The following ATG10 variants were observed in gnomAD, a reference collection of about 807,000 sequenced individuals.
The protein encoded by ATG10 is autophagy related 10.
In ATG10, 30 loss-of-function variants were observed where a neutral mutation model predicts 32.1. That is an observed-to-expected ratio of 0.94 (90% CI 0.70 to 1.27). The LOEUF (loss-of-function observed/expected upper bound fraction) is 1.27. Ranked by LOEUF, ATG10 falls within the 50% of genes most tolerant of loss-of-function variation. The pLI is 0.00. For missense variants in ATG10, 233 were observed against 262.3 expected (o/e 0.89, Z 0.77); for synonymous variants, 87 against 91.5 (o/e 0.95, Z 0.28).
chr5:82,153,458 G>A (rs1406248871), intron 3 of ATG10, among the ~76,000 whole-genome samples: 1 of 152,084 alleles, frequency 6.6e-6, no homozygotes, highest in Admixed American at 6.5e-5. Context: ...AGAGTTTATC[G>A]GGAAGAAGCT....
intron 2 of ATG10, among the ~76,000 whole-genome samples, chr5:82,029,391 T>TA (rs1762683303): frequency 6.6e-6 from 1 of 152,226 alleles, no homozygotes; most frequent in African/African-American, 2.4e-5. Context: ...CAGTTTACCC[T>TA]ATTATTCAAA....
intron 1 of ATG10, chr5:81,976,085 C>G (rs1403416521): frequency 6.6e-6 from 1 of 150,944 alleles, no homozygotes; most frequent in Non-Finnish European, 1.5e-5. Context: ...ACTGCAGGCT[C>G]CGGCCCCCGA....
chr5:82,031,254 A>C (rs1762734382), intron 2 of ATG10, among the ~76,000 whole-genome samples: 1 of 152,188 alleles, frequency 6.6e-6, no homozygotes. Context: ...AGACTATTTT[A>C]GATATTCGAA....
At chr5:81,972,389 G>GAGGA (rs1195454791) in intron 1 of ATG10, 83 bp downstream of exon 1, 1 of 152,628 alleles carries the variant, frequency 6.6e-6, no homozygotes, top group Non-Finnish European at 1.5e-5. Flanking sequence ...CTAGGACAGG[G>GAGGA]AGGAAGGGCA....
chr5:82,076,764 C>T (rs1764285258), intron 3 of ATG10, among the ~76,000 whole-genome samples: 1 of 152,092 alleles, frequency 6.6e-6, no homozygotes, highest in Non-Finnish European at 1.5e-5. Flanking sequence ...AAATTGGACT[C>T]CCTCAATTGT....
At chr5:82,136,292 G>A (rs1034825091) in intron 3 of ATG10, among the ~76,000 whole-genome samples, 15 of 152,134 alleles carry the variant, frequency 9.9e-5, no homozygotes, top group South Asian at 2.1e-4. Flanking sequence ...TTATTTTGCT[G>A]GTTAGTTCAT....
chr5:82,039,215 G>A (rs1763016396), intron 2 of ATG10, among the ~76,000 whole-genome samples: 1 of 152,144 alleles, frequency 6.6e-6, no homozygotes, highest in East Asian at 1.9e-4. Flanking sequence ...CAGAAAAGGG[G>A]ACATTTATTT....
chr5:82,009,743 G>A lies in ATG10; in HGVS notation c.108+22065G>A. On this transcript the variant is annotated intron_variant, in intron 2 of 7. Transcript: ENST00000282185. ...GCATGCCATCCAACCACTCAGTCTT[G>A]GCAGTGCAGATGAAAAACTGGGAGC... 1.9e-6 allele frequency: 3 copies of A among 1,601,916 alleles called. No individual in the cohort carries two copies. The Admixed American group carries it at 5.0e-5, about 27-fold the overall frequency.
At chr5:82,186,090 G>A (rs968348742) in intron 5 of ATG10, among the ~76,000 whole-genome samples, 32 of 152,286 alleles carry the variant, frequency 2.1e-4, no homozygotes, top group Admixed American at 2.6e-4. Flanking sequence ...CTTAAATGAC[G>A]AGAAAATTAA....
intron 3 of ATG10, among the ~76,000 whole-genome samples, chr5:82,090,582 T>C (rs540240346): frequency 6.6e-6 from 1 of 152,282 alleles, no homozygotes; most frequent in East Asian, 1.9e-4. Context: ...AACAGATTCC[T>C]GGTTGTCTAA....
intron 4 of ATG10, among the ~76,000 whole-genome samples, chr5:82,176,564 ACACACACACACGCATGCG>A (rs1457034902): frequency 2.3e-4 from 35 of 151,876 alleles, no homozygotes; most frequent in African/African-American, 8.2e-4. Flanking sequence ...CCACACCAAT[ACACACACACACGCATGCG>A]CACACAGACA....
intron 5 of ATG10, among the ~76,000 whole-genome samples, chr5:82,250,120 C>T (rs6891230): frequency 0.48 from 72,441 of 152,058 alleles, 19,804 homozygotes; most frequent in East Asian, 0.91. Flanking sequence ...ATTTAGACTA[C>T]ATTTATCTTT....
chr5:82,185,716 G>A (rs968684237), intron 5 of ATG10, among the ~76,000 whole-genome samples: 2 of 152,128 alleles, frequency 1.3e-5, no homozygotes, highest in Non-Finnish European at 2.9e-5. Context: ...GAAGTCACTG[G>A]TTAAGGATTC....
chr5:82,006,219 G>A (rs944191052), intron 2 of ATG10, among the ~76,000 whole-genome samples: 3 of 151,890 alleles, frequency 2.0e-5, no homozygotes, highest in African/African-American at 7.3e-5. Flanking sequence ...ATATTTTACT[G>A]TATTTCATCT....
At position 82,098,415 on chromosome 5, in the gene ATG10, A is replaced by G. The variant is rs909452784; in HGVS notation, c.216+39813A>G. Among the ~76,000 whole-genome samples, 7 of 148,524 alleles carry G rather than the reference A, an allele frequency of 4.7e-5. No homozygotes were observed. The Admixed American group carries it at 4.8e-4, about 10-fold the overall frequency. ...CAACCTCCGCCTCCTGGGTTCAAGC[A>G]GTTCTCTGCCTCAGCCTCCCGAGTA... On this transcript the variant is annotated intron_variant, in intron 3 of 7. Coordinates refer to ENST00000282185, the MANE Select transcript of ATG10 (RefSeq NM_031482.5).
chr5:82,174,285 T>C (rs1219073365), intron 4 of ATG10, among the ~76,000 whole-genome samples: 3 of 152,220 alleles, frequency 2.0e-5, no homozygotes, highest in Non-Finnish European at 1.5e-5. Context: ...AAGTCATTGT[T>C]GTCATAGAGA....
chr5:82,071,920 T>G (rs571419601), intron 3 of ATG10, among the ~76,000 whole-genome samples: 1 of 152,178 alleles, frequency 6.6e-6, no homozygotes, highest in East Asian at 1.9e-4. Flanking sequence ...CAAGTCAGAA[T>G]CCATTAAGGA....
intron 5 of ATG10, among the ~76,000 whole-genome samples, chr5:82,241,006 G>A (rs950597359): frequency 5.3e-5 from 8 of 152,114 alleles, no homozygotes; most frequent in Non-Finnish European, 1.2e-4. Flanking sequence ...ATTTAACCCA[G>A]TGCATAGCCC....
At chr5:81,991,753 C>T (rs1396023585) in intron 2 of ATG10, among the ~76,000 whole-genome samples, 1 of 150,950 alleles carries the variant, frequency 6.6e-6, no homozygotes, top group Non-Finnish European at 1.5e-5. Flanking sequence ...CAAGATCATA[C>T]TATTGCACTC....
Sources: allele counts gnomAD v4.1 joint callset (sites outside exome capture counted in the v4.1 genomes callset), GRCh38; gene constraint gnomAD v4.1.1; transcripts MANE v1.5; gene names NCBI Gene and HGNC (gene_info 2026-07-23, HGNC 2026-07-21).